RASSF3: variants seen among roughly 807,000 people sequenced by gnomAD.
The protein encoded by RASSF3 is ras association domain-containing protein 3.
RASSF3 carries 19 observed loss-of-function variants against 19.9 expected under a neutral mutation model. The observed-to-expected ratio is 0.96, with a 90% confidence interval of 0.67 to 1.40. RASSF3 has a LOEUF of 1.40. RASSF3 is among the 40% of genes most tolerant of loss of function. The pLI is 0.00. For missense variants in RASSF3, 306 were observed against 289.8 expected (o/e 1.06, Z -0.41); for synonymous variants, 110 against 104.2 (o/e 1.06, Z -0.34).
chr12:64,616,918 C>T (rs897295818), intron 1 of RASSF3, among the ~76,000 whole-genome samples: 10 of 152,262 alleles, frequency 6.6e-5, no homozygotes, highest in East Asian at 3.9e-4. Context: ...CTTAACATGT[C>T]GACTCAGAAA....
downstream of RASSF3, among the ~76,000 whole-genome samples, chr12:64,545,399 C>T (rs1042972389): frequency 6.6e-6 from 1 of 152,176 alleles, no homozygotes; most frequent in Admixed American, 6.6e-5. Flanking sequence ...AAAAGTAATA[C>T]TGAGCTCTCT....
chr12:64,604,964 T>A (rs116082014), intron 2 of RASSF3, among the ~76,000 whole-genome samples: 7,280 of 148,524 alleles, frequency 0.049, 472 homozygotes, highest in African/African-American at 0.16. Context: ...TGTCATATAT[T>A]TTTTTTTTAA....
chr12:64,689,791 C>CTTTTTT lies in RASSF3; in HGVS notation c.457+1346_457+1351dup, dbSNP rs762822586. On this transcript the variant is annotated intron_variant, in intron 3 of 4. Coordinates refer to ENST00000542104, the MANE Select transcript of RASSF3 (RefSeq NM_178169.4). Reference sequence around the variant, plus strand: ...GTTTGTAGCTGCTAATTCGCTAATTCTTTTTTTTTTTTTGAGACGGAGTCT... The same window carrying CTTTTTT: ...GTTTGTAGCTGCTAATTCGCTAATTCTTTTTTTTTTTTTTTTTTTGAGACGGAGTCT... Among the ~76,000 whole-genome samples the CTTTTTT allele has an allele frequency of 1.7e-3, 160 of 96,552 alleles. 17 individuals carry two copies. Among genetic ancestry groups the CTTTTTT allele is most frequent in the Admixed American group, 4.1e-3 (32 of 7,840 alleles). 63.3% of individuals were successfully genotyped at this position (96,552 alleles called of 152,430 possible).
chr12:64,631,524 G>T (rs1871163516), intron 1 of RASSF3, among the ~76,000 whole-genome samples: 1 of 148,878 alleles, frequency 6.7e-6, no homozygotes, highest in East Asian at 2.0e-4. Context: ...TAAGGGTGTT[G>T]TCATCGTATG....
At chr12:64,686,332 A>G (rs951427716) in intron 2 of RASSF3, among the ~76,000 whole-genome samples, 4 of 151,890 alleles carry the variant, frequency 2.6e-5, no homozygotes, top group African/African-American at 9.7e-5. Flanking sequence ...CTTGAAGTCA[A>G]GAGTTCGACG....
chr12:64,669,557 G>A (rs1275758784), intron 1 of RASSF3, among the ~76,000 whole-genome samples: 2 of 152,076 alleles, frequency 1.3e-5, no homozygotes, highest in African/African-American at 2.4e-5. Context: ...ATGCTAAGGC[G>A]TTCATTATGT....
intron 1 of RASSF3, among the ~76,000 whole-genome samples, chr12:64,512,390 T>C (rs1868333529): frequency 6.6e-6 from 1 of 151,786 alleles, no homozygotes. Flanking sequence ...GGCAGAAGGG[T>C]CACTTGAGGC....
intron 1 of RASSF3, among the ~76,000 whole-genome samples, chr12:64,518,847 A>AATTCAAAGAGAGAT (rs1868412684): frequency 2.0e-5 from 3 of 152,158 alleles, no homozygotes; most frequent in Non-Finnish European, 4.4e-5. Flanking sequence ...ATACCTCCTA[A>AATTCAAAGAGAGAT]ATTCAAAGAG....
chr12:64,675,690 C>A (rs527621085), intron 1 of RASSF3, among the ~76,000 whole-genome samples: 1 of 151,978 alleles, frequency 6.6e-6, no homozygotes, highest in Non-Finnish European at 1.5e-5. Context: ...CTTTTCCTAC[C>A]CTGAGATAAC....
intron 1 of RASSF3, among the ~76,000 whole-genome samples, chr12:64,620,146 C>T (rs1232072109): frequency 4.6e-5 from 7 of 151,290 alleles, no homozygotes; most frequent in Admixed American, 2.0e-4. Flanking sequence ...TCATGGGGGG[C>T]GTATATAGGT....
chr12:64,508,239 G>A (rs952123848), intron 1 of RASSF3, among the ~76,000 whole-genome samples: 1 of 152,144 alleles, frequency 6.6e-6, no homozygotes, highest in Non-Finnish European at 1.5e-5. Context: ...TGACGACTGG[G>A]CACCGTGGCT....
intron 1 of RASSF3, among the ~76,000 whole-genome samples, chr12:64,516,618 C>CA (rs200931603): frequency 0.43 from 46,310 of 108,810 alleles, 8,257 homozygotes; most frequent in Middle Eastern, 0.52. Flanking sequence ...GACTCCGTCT[C>CA]AAAAAAAAAA....
At chr12:64,688,570 C>T in intron 3 of RASSF3, 117 bp downstream of exon 3, 1 of 755,984 alleles carries the variant, frequency 1.3e-6, no homozygotes, top group Non-Finnish European at 2.3e-6. Context: ...AGCCTGGAGT[C>T]CGATGCTGGA....
intron 1 of RASSF3, among the ~76,000 whole-genome samples, chr12:64,661,609 C>T (rs1872361016): frequency 6.6e-6 from 1 of 151,202 alleles, no homozygotes; most frequent in East Asian, 1.9e-4. Context: ...ATGGGAGGAT[C>T]ATTTGAACCC....
At chr12:64,607,009 T>A (rs1870204852), upstream of RASSF3, among the ~76,000 whole-genome samples, 1 of 152,142 alleles carries the variant, frequency 6.6e-6, no homozygotes, top group South Asian at 2.1e-4. Flanking sequence ...CTAGGCATGG[T>A]GGCTCACACC....
chr12:64,670,136 C>T (rs915735013), intron 1 of RASSF3, among the ~76,000 whole-genome samples: 6 of 151,806 alleles, frequency 4.0e-5, no homozygotes, highest in African/African-American at 1.5e-4. Context: ...TTCCACGTGT[C>T]ATCTCTGTAT....
At chr12:64,562,013 A>ATTTG in intron 2 of RASSF3, among the ~76,000 whole-genome samples, 1 of 125,262 alleles carries the variant, frequency 8.0e-6, no homozygotes, top group Non-Finnish European at 1.9e-5. Context: ...TTATTTATTT[A>ATTTG]TTTATTTATT....
At chr12:64,649,456 T>C (rs1247306846) in intron 1 of RASSF3, among the ~76,000 whole-genome samples, 1 of 152,124 alleles carries the variant, frequency 6.6e-6, no homozygotes, top group African/African-American at 2.4e-5. Flanking sequence ...CCTCCGAAAG[T>C]GTTGGGATTA....
intron 2 of RASSF3, among the ~76,000 whole-genome samples, chr12:64,685,997 A>T (rs1295465716): frequency 6.6e-6 from 1 of 152,144 alleles, no homozygotes; most frequent in Non-Finnish European, 1.5e-5. Context: ...GGCCCTACCG[A>T]ATCGGTGATT....
Sources: gnomAD v4.1 joint callset for allele counts (sites outside exome capture counted in the v4.1 genomes callset) on GRCh38, gnomAD v4.1.1 for gene constraint, MANE v1.5 for transcripts, NCBI Gene and HGNC (gene_info 2026-07-23, HGNC 2026-07-21) for gene names.